STPG2: variants seen among roughly 807,000 people sequenced by gnomAD.
STPG2 encodes the protein sperm-tail PG-rich repeat-containing protein 2.
Under a neutral mutation model 54.2 loss-of-function variants are expected in STPG2, and 56 were observed. The observed-to-expected ratio is 1.03, with a 90% CI of 0.83 to 1.29. The LOEUF is 1.29. Among genes scored for constraint, STPG2 ranks in the 50% most tolerant of loss-of-function variants. The pLI, the probability that STPG2 is intolerant of heterozygous loss-of-function variation, is 0.00. For missense variants in STPG2, 596 were observed against 544.9 expected, an observed-to-expected ratio of 1.09 and a Z score of -0.93; for synonymous variants, 200 against 181.8, an observed-to-expected ratio of 1.10 and a Z score of -0.81.
chr4:97,718,334 C>T (rs1724353342), intron 9 of STPG2, among the ~76,000 whole-genome samples: 1 of 151,870 alleles, frequency 6.6e-6, no homozygotes, highest in Admixed American at 6.6e-5. Flanking sequence ...GACTATTTTC[C>T]ATTTTCTCAA....
At chr4:97,692,126 C>G (rs115356212) in intron 10 of STPG2, among the ~76,000 whole-genome samples, 1,536 of 152,074 alleles carry the variant, frequency 0.01, 24 homozygotes, top group African/African-American at 0.035. Context: ...AAACAAGGTT[C>G]CTTAACACTC....
At chr4:97,967,186 A>C (rs959904323) in intron 7 of STPG2, among the ~76,000 whole-genome samples, 2 of 8,984 alleles carry the variant, frequency 2.2e-4, no homozygotes, top group African/African-American at 5.6e-4. Context: ...AATGGTAAGC[A>C]AAAAAAAAAA....
At chr4:97,895,639 G>A (rs911383219) in intron 8 of STPG2, among the ~76,000 whole-genome samples, 18 of 151,756 alleles carry the variant, frequency 1.2e-4, no homozygotes, top group Admixed American at 9.9e-4. Context: ...TAAGAATTCT[G>A]TAGTGATGCT....
chr4:97,833,186 G>C (rs1291849170), intron 9 of STPG2, among the ~76,000 whole-genome samples: 5 of 152,152 alleles, frequency 3.3e-5, no homozygotes, highest in African/African-American at 1.2e-4. Context: ...GAACAGAACA[G>C]AGGCCTCAGA....
Position 97,504,716 on chromosome 4 carries a change from G to A in STPG2, c.462+207983C>T, listed in dbSNP as rs552750796. Among the ~76,000 whole-genome samples, 8 of 152,022 alleles carry A rather than the reference G, an allele frequency of 5.3e-5. No individual in the cohort carries two copies. The South Asian group carries it at 1.7e-3, about 32-fold the overall frequency. ...ACAATGCAGCAGATAAGTAATGAAA[G>A]TGCTTATAAGGAACTTCCTATGGGA... On this transcript the variant is annotated intron_variant, in intron 4 of 4. Coordinates refer to the STPG2 transcript ENST00000522676.
intron 10 of STPG2, among the ~76,000 whole-genome samples, chr4:97,624,533 C>T (rs1261761053): frequency 6.6e-6 from 1 of 152,150 alleles, no homozygotes; most frequent in Non-Finnish European, 1.5e-5. Flanking sequence ...AGACCTCTGT[C>T]AGGTGGATAG....
At chr4:97,851,289 C>T (rs1319761249) in intron 8 of STPG2, among the ~76,000 whole-genome samples, 1 of 152,166 alleles carries the variant, frequency 6.6e-6, no homozygotes, top group Non-Finnish European at 1.5e-5. Context: ...AAGTGACTGA[C>T]ACATATTTTT....
At chr4:97,816,858 TTC>T (rs1355428106) in intron 9 of STPG2, among the ~76,000 whole-genome samples, 2 of 151,108 alleles carry the variant, frequency 1.3e-5, no homozygotes, top group African/African-American at 4.9e-5. Flanking sequence ...CTTCCTTTCT[TTC>T]TCTTTCTCTT....
chr4:97,873,583 TATC>T (rs1217465368), intron 8 of STPG2, among the ~76,000 whole-genome samples: 8 of 142,934 alleles, frequency 5.6e-5, no homozygotes, highest in African/African-American at 2.0e-4. Flanking sequence ...TCCTAAAAAA[TATC>T]ATATCATATA....
rs949296388 is a variant in STPG2 at position 98,068,129 on chromosome 4, T to C, written c.612+37824A>G. Among the ~76,000 whole-genome samples the C allele has an allele frequency of 2.0e-5, 3 of 152,202 alleles. No homozygotes were observed. In the East Asian group the frequency reaches 5.8e-4, roughly 29 times the overall value. Reference sequence around the variant, plus strand: ...AACATCCAGGCTGTGCTCCCTTGGCTATCCTATCCCCCTTGCCACCACAGG... The same window carrying C: ...AACATCCAGGCTGTGCTCCCTTGGCCATCCTATCCCCCTTGCCACCACAGG... On this transcript the variant is annotated intron_variant, in intron 5 of 10. Transcript: ENST00000295268.
At chr4:97,493,448 G>A (rs888123146) in intron 4 of STPG2, among the ~76,000 whole-genome samples, 3 of 151,276 alleles carry the variant, frequency 2.0e-5, no homozygotes, top group African/African-American at 4.8e-5. Context: ...GTGGGAACAG[G>A]TCTAAAGTTA....
chr4:97,459,177 T>TGA (rs527738137), intron 4 of STPG2, among the ~76,000 whole-genome samples: 117 of 152,118 alleles, frequency 7.7e-4, no homozygotes, highest in African/African-American at 2.6e-3. Context: ...TATCACTGTG[T>TGA]GAGAGAGAGA....
chr4:97,820,356 T>C (rs1021419804), intron 9 of STPG2, among the ~76,000 whole-genome samples: 4 of 152,072 alleles, frequency 2.6e-5, no homozygotes, highest in African/African-American at 9.7e-5. Context: ...AACCCAACAA[T>C]GACCTGTAAG....
intron 9 of STPG2, among the ~76,000 whole-genome samples, chr4:97,754,217 T>A (rs1725663266): frequency 6.6e-6 from 1 of 152,058 alleles, no homozygotes; most frequent in Non-Finnish European, 1.5e-5. Flanking sequence ...ACCACCAAGC[T>A]AAAACTGAGT....
intron 9 of STPG2, among the ~76,000 whole-genome samples, chr4:97,820,641 C>T (rs1457098281): frequency 6.6e-6 from 1 of 152,134 alleles, no homozygotes; most frequent in Admixed American, 6.5e-5. Flanking sequence ...AGAAAAGAAG[C>T]TTAATTGCTT....
intron 5 of STPG2, among the ~76,000 whole-genome samples, chr4:98,020,146 C>A (rs1736125292): frequency 7.6e-6 from 1 of 131,210 alleles, no homozygotes; most frequent in Admixed American, 7.4e-5. Context: ...ATGAGATTGG[C>A]TGTGGGTTTG....
At chr4:97,891,237 T>C (rs886950394) in intron 8 of STPG2, among the ~76,000 whole-genome samples, 5 of 152,016 alleles carry the variant, frequency 3.3e-5, no homozygotes, top group African/African-American at 9.7e-5. Context: ...TTTGTGATCA[T>C]TAAAAGTTTA....
intron 4 of STPG2, among the ~76,000 whole-genome samples, chr4:97,514,605 C>A (rs1347563723): frequency 6.6e-6 from 1 of 152,034 alleles, no homozygotes; most frequent in Non-Finnish European, 1.5e-5. Flanking sequence ...ACAACTGAAT[C>A]ATTTACATAT....
At chr4:97,948,431 A>C (rs1318382343) in intron 7 of STPG2, among the ~76,000 whole-genome samples, 1 of 151,886 alleles carries the variant, frequency 6.6e-6, no homozygotes, top group East Asian at 1.9e-4. Context: ...GTTCTACTCT[A>C]ATCTTTGTTA....
Sources: gnomAD v4.1 joint callset for allele counts (sites outside exome capture counted in the v4.1 genomes callset) on GRCh38, gnomAD v4.1.1 for gene constraint, MANE v1.5 for transcripts, NCBI Gene and HGNC (gene_info 2026-07-23, HGNC 2026-07-21) for gene names.